MME: variants seen among roughly 807,000 people sequenced by gnomAD.
MME encodes membrane metalloendopeptidase, also known as neprilysin.
MME carries 98 observed loss-of-function variants against 113.2 expected under a neutral mutation model. The ratio of observed to expected loss-of-function variants is 0.87; its 90% CI spans 0.74 to 1.02. MME has a LOEUF of 1.02. MME is among the 50% of genes least tolerant of loss of function. The probability of loss-of-function intolerance (pLI) is 0.00; values close to 1 mark genes in which losing one functional copy is unlikely to be tolerated. For missense variants in MME, 836 were observed against 896.0 expected, an observed-to-expected ratio of 0.93 and a Z score of 0.86; for synonymous variants, 292 against 300.6, an observed-to-expected ratio of 0.97 and a Z score of 0.30.
chr3:155,169,265 A>G (rs1576669876), intron 20 of MME, among the ~76,000 whole-genome samples: 1 of 152,194 alleles, frequency 6.6e-6, no homozygotes, highest in East Asian at 1.9e-4. Flanking sequence ...TAGTTCATAT[A>G]TGATACAGTA....
chr3:155,042,433 G>A (rs1713352856), intron 1 of MME, among the ~76,000 whole-genome samples: 1 of 152,076 alleles, frequency 6.6e-6, no homozygotes, highest in African/African-American at 2.4e-5. Flanking sequence ...ATTGAGAAGA[G>A]TTTCTTATAG....
At chr3:155,041,996 C>A (rs1041354430) in intron 1 of MME, among the ~76,000 whole-genome samples, 8 of 152,094 alleles carry the variant, frequency 5.3e-5, no homozygotes, top group African/African-American at 1.2e-4. Flanking sequence ...TTCTTGAGAT[C>A]GAACTTTGTC....
intron 1 of MME, among the ~76,000 whole-genome samples, chr3:155,047,209 C>T (rs1456362260): frequency 6.6e-6 from 1 of 152,142 alleles, no homozygotes; most frequent in African/African-American, 2.4e-5. Flanking sequence ...TTCACTAGAC[C>T]TTTCCTATGG....
At chr3:155,129,095 T>TGA (rs1257741188) in intron 8 of MME, among the ~76,000 whole-genome samples, 30 of 152,220 alleles carry the variant, frequency 2.0e-4, no homozygotes, top group African/African-American at 6.5e-4. Context: ...AAGAGAAGTT[T>TGA]TGAGAATTGG....
chr3:155,143,307 C>A, intron 12 of MME, 136 bp from the exon 13 acceptor site: 2 of 1,001,382 alleles, frequency 2.0e-6, no homozygotes, highest in Non-Finnish European at 3.1e-6. Flanking sequence ...TCATCATAGG[C>A]TAGGAACATG....
At chr3:155,117,007 A>T in intron 7 of MME, 21 bp downstream of exon 7, 2 of 1,265,686 alleles carry the variant, frequency 1.6e-6, no homozygotes. Context: ...GTGTCAAATA[A>T]CTAAAGTTAC....
At chr3:155,117,754 G>A (rs1345777670) in intron 7 of MME, among the ~76,000 whole-genome samples, 2 of 152,056 alleles carry the variant, frequency 1.3e-5, no homozygotes, top group Admixed American at 1.3e-4. Context: ...CCTGCAGTGG[G>A]CTCTCTCTCT....
chr3:155,137,546 A>T (rs1278261351), intron 8 of MME, among the ~76,000 whole-genome samples: 1 of 152,086 alleles, frequency 6.6e-6, no homozygotes, highest in African/African-American at 2.4e-5. Flanking sequence ...CTCTACTGAA[A>T]ATACAAAAAA....
intron 1 of MME, chr3:155,083,860 C>T: frequency 2.8e-6 from 1 of 352,898 alleles, no homozygotes; most frequent in Non-Finnish European, 5.4e-6. Context: ...ATTAATCCTA[C>T]TTGAGTATTT....
At chr3:155,103,484 C>G (rs1717439570) in intron 3 of MME, among the ~76,000 whole-genome samples, 1 of 152,180 alleles carries the variant, frequency 6.6e-6, no homozygotes, top group Non-Finnish European at 1.5e-5. Context: ...CAATTACGCT[C>G]TTCTCAGTTG....
chr3:155,141,341 T>A (rs1172813186), intron 10 of MME, among the ~76,000 whole-genome samples: 1 of 152,204 alleles, frequency 6.6e-6, no homozygotes, highest in African/African-American at 2.4e-5. Context: ...TGTGCTTGTG[T>A]CTGTGTGTGT....
intron 22 of MME, among the ~76,000 whole-genome samples, chr3:155,175,382 G>T (rs1712417512): frequency 6.6e-6 from 1 of 151,608 alleles, no homozygotes; most frequent in South Asian, 2.1e-4. Flanking sequence ...AAATTTAAAT[G>T]GTATTTAATC....
intron 1 of MME, among the ~76,000 whole-genome samples, chr3:155,082,602 C>T (rs1715251410): frequency 6.6e-6 from 1 of 152,180 alleles, no homozygotes; most frequent in African/African-American, 2.4e-5. Flanking sequence ...TTTTAACATT[C>T]AGGTACATTA....
rs1553749776 is a variant in MME, at chr3:155,042,917, T to TAC, written c.-11+18594_-11+18595insCA. 4.4e-3 allele frequency among the ~76,000 whole-genome samples: 227 copies of TAC among 51,038 alleles called. 1 individual carries two copies. The highest frequency in any genetic ancestry group is 6.1e-3 in the Non-Finnish European group (180 of 29,326). The allele number at this position is 51,038 out of a possible 152,430, so 33.5% of individuals were successfully genotyped here. ...AGTAGGTTTTATATATATATATATA[T>TAC]ATATATATATATATATATATATGTA... On this transcript the variant is annotated intron_variant, in intron 1 of 22. Transcript: ENST00000492661.
At chr3:155,147,349 C>T (rs928056896) in intron 15 of MME, 125 bp downstream of exon 15, 1 of 697,020 alleles carries the variant, frequency 1.4e-6, no homozygotes, top group Non-Finnish European at 2.6e-6. Flanking sequence ...TTATATAAAG[C>T]CTTCAACGCT....
chr3:155,104,946 A>G (rs970596543), intron 3 of MME, among the ~76,000 whole-genome samples: 22 of 152,236 alleles, frequency 1.4e-4, no homozygotes, highest in African/African-American at 5.1e-4. Flanking sequence ...CCTGAAAAAG[A>G]AAAATTATTT....
intron 8 of MME, among the ~76,000 whole-genome samples, chr3:155,134,795 ATCTGTTCATTTT>A (rs1297841681): frequency 6.6e-6 from 1 of 152,154 alleles, no homozygotes; most frequent in Non-Finnish European, 1.5e-5. Context: ...CCTCACCAGC[ATCTGTTCATTTT>A]TGACTTTTGA....
chr3:155,031,610 G>A (rs769429210), intron 1 of MME, among the ~76,000 whole-genome samples: 1 of 152,080 alleles, frequency 6.6e-6, no homozygotes, highest in Non-Finnish European at 1.5e-5. Flanking sequence ...TAGCTCTCTA[G>A]GTTGTTTTGT....
At chr3:155,132,743 A>AT (rs1425802183) in intron 8 of MME, among the ~76,000 whole-genome samples, 6 of 151,966 alleles carry the variant, frequency 3.9e-5, no homozygotes, top group African/African-American at 1.5e-4. Flanking sequence ...TGGCCAATCT[A>AT]CTTTTTAAGT....
Sources: gnomAD v4.1 joint callset for allele counts (sites outside exome capture counted in the v4.1 genomes callset) on GRCh38, gnomAD v4.1.1 for gene constraint, MANE v1.5 for transcripts, NCBI Gene and HGNC (gene_info 2026-07-23, HGNC 2026-07-21) for gene names.